PDIA3: variants seen among roughly 807,000 people sequenced by gnomAD.
PDIA3 encodes protein disulfide-isomerase A3.
Under a neutral mutation model 56.9 loss-of-function variants are expected in PDIA3, and 16 were observed. That is an observed-to-expected ratio of 0.28 (90% CI 0.19 to 0.43). The LOEUF (loss-of-function observed/expected upper bound fraction) is 0.43. PDIA3 is among the 20% of genes least tolerant of loss of function. The probability of loss-of-function intolerance (pLI) is 1.00; values close to 1 mark genes in which losing one functional copy is unlikely to be tolerated. For synonymous variants in PDIA3, 192 were observed against 216.5 expected (o/e 0.89, Z 0.99); for missense variants, 485 against 621.3 (o/e 0.78, Z 2.33).
At chr15:43,761,084 CA>C (rs1355850522) in intron 3 of PDIA3, among the ~76,000 whole-genome samples, 1 of 150,312 alleles carries the variant, frequency 6.7e-6, no homozygotes. Context: ...TAAAAAAATA[CA>C]AAAAAAAGTA....
At chr15:43,762,076 C>T (rs2086819880) in intron 4 of PDIA3, among the ~76,000 whole-genome samples, 1 of 152,162 alleles carries the variant, frequency 6.6e-6, no homozygotes, top group South Asian at 2.1e-4. Flanking sequence ...TTTTAAATGA[C>T]ATGAGCCAGT....
At chr15:43,756,307 GC>G (rs1451095392) in intron 2 of PDIA3, among the ~76,000 whole-genome samples, 1 of 152,196 alleles carries the variant, frequency 6.6e-6, no homozygotes, top group Non-Finnish European at 1.5e-5. Flanking sequence ...ATCAAAGTAA[GC>G]CACTGTTAAT....
intron 1 of PDIA3, among the ~76,000 whole-genome samples, chr15:43,750,448 G>A (rs1368051763): frequency 1.3e-5 from 2 of 151,964 alleles, no homozygotes; most frequent in African/African-American, 2.4e-5. Flanking sequence ...GTTTGGAAAT[G>A]TCCGAAAATT....
At chr15:43,766,425 T>A (rs1406402419) in intron 7 of PDIA3, among the ~76,000 whole-genome samples, 1 of 152,240 alleles carries the variant, frequency 6.6e-6, no homozygotes, top group Non-Finnish European at 1.5e-5. Flanking sequence ...CATTTTACCC[T>A]TACAAATTTT....
intron 9 of PDIA3, 96 bp downstream of exon 9, chr15:43,768,693 A>G (rs1383436072): frequency 7.5e-6 from 6 of 794,710 alleles, no homozygotes; most frequent in East Asian, 2.5e-5. Flanking sequence ...TTCGTTGGCC[A>G]TCTCTTTTTT....
chr15:43,753,548 T>G (rs1354665629), intron 1 of PDIA3, among the ~76,000 whole-genome samples: 1 of 152,226 alleles, frequency 6.6e-6, no homozygotes, highest in African/African-American at 2.4e-5. Context: ...GACTACAGCT[T>G]TCACAACTTA....
intron 4 of PDIA3, among the ~76,000 whole-genome samples, chr15:43,761,879 T>TA (rs1281641274): frequency 6.6e-6 from 1 of 152,128 alleles, no homozygotes; most frequent in Non-Finnish European, 1.5e-5. Context: ...TAATGCTTCT[T>TA]AAACTCTGAG....
chr15:43,768,395 G>T, intron 8 of PDIA3, 94 bp from the exon 9 acceptor site: 1 of 902,056 alleles, frequency 1.1e-6, no homozygotes, highest in East Asian at 2.5e-5. Context: ...GCCTTGAAAA[G>T]CTAAAATACA....
chr15:43,759,375 C>T (rs759937869), intron 3 of PDIA3, among the ~76,000 whole-genome samples: 3 of 152,118 alleles, frequency 2.0e-5, no homozygotes, highest in African/African-American at 7.2e-5. Context: ...TTAGTTCTCA[C>T]TTAATGTTGT....
chr15:43,753,312 G>C (rs562193576), intron 1 of PDIA3, among the ~76,000 whole-genome samples: 14 of 152,062 alleles, frequency 9.2e-5, no homozygotes, highest in Non-Finnish European at 1.9e-4. Flanking sequence ...TCCTGACCTC[G>C]AGTGATCTAC....
At chr15:43,750,349 A>G (rs537799250) in intron 1 of PDIA3, among the ~76,000 whole-genome samples, 1 of 151,312 alleles carries the variant, frequency 6.6e-6, no homozygotes, top group East Asian at 2.0e-4. Flanking sequence ...GATTTTGTAG[A>G]CTAATATTTC....
chr15:43,772,862 A>G lies in PDIA3; in HGVS notation c.*1644A>G. On this transcript the variant is annotated 3_prime_UTR_variant, in exon 13 of 13. Transcript: ENST00000300289. ...GACTTGAAAATGACTTGGCTGAACT[A>G]AAGGTAAAAAAGCCAAGCCTCTGTC... 3.0e-6 allele frequency: 1 copy of G among 337,068 alleles called. No individual in the cohort carries two copies. Among genetic ancestry groups the G allele is most frequent in the Non-Finnish European group, 5.3e-6 (1 of 187,970 alleles). 20.9% of individuals were successfully genotyped at this position (337,068 alleles called of 1,614,324 possible).
intron 1 of PDIA3, among the ~76,000 whole-genome samples, chr15:43,752,363 T>A (rs991532562): frequency 6.6e-6 from 1 of 152,208 alleles, no homozygotes; most frequent in Non-Finnish European, 1.5e-5. Flanking sequence ...ACACATAAGA[T>A]ACCACTGATT....
intron 1 of PDIA3, among the ~76,000 whole-genome samples, chr15:43,748,527 A>G (rs534661947): frequency 2.0e-5 from 3 of 151,896 alleles, no homozygotes; most frequent in Non-Finnish European, 4.4e-5. Context: ...GGTGTTTCCT[A>G]CTTTAAATTG....
Position 43,756,668 on chromosome 15 carries a change from C to T in PDIA3, c.266C>T (p.Thr89Ile), listed in dbSNP as rs751599830. The T allele has an allele frequency of 4.0e-5, 64 of 1,602,256 alleles. No individual in the cohort carries two copies. Among genetic ancestry groups the T allele is most frequent in the Non-Finnish European group, 5.1e-5 (60 of 1,171,074 alleles). ...PLAKVDCTAN[T>I]NTCNKYGVSG... is the part of the protein sequence containing the mutation. The stretch of plus-strand genomic sequence containing the variant: ...CTTTAGGTTGATTGCACTGCCAACA[C>T]TAACACCTGTAATAAATATGGAGTC... The change falls in exon 3 of 13, where the codon ACT (threonine) becomes ATT (isoleucine). Residue 89 changes from threonine to isoleucine, a missense_variant. Coordinates refer to ENST00000300289, the MANE Select transcript of PDIA3 (RefSeq NM_005313.5).
intron 1 of PDIA3, among the ~76,000 whole-genome samples, chr15:43,753,100 CAG>C (rs2086755233): frequency 2.0e-5 from 3 of 149,896 alleles, no homozygotes; most frequent in African/African-American, 4.9e-5. Flanking sequence ...CACCCCGAGA[CAG>C]AGTCTTATTC....
In PDIA3 at chr15:43,773,126, CT is replaced by C. The variant is rs1443928739; in HGVS notation, c.*1909del. 1.2e-6 allele frequency: 2 copies of C among 1,607,706 alleles called. No individual in the cohort carries two copies. Among genetic ancestry groups the C allele is most frequent in the Non-Finnish European group, 1.7e-6 (2 of 1,178,146 alleles). On this transcript the variant is annotated 3_prime_UTR_variant, in exon 13 of 13. Transcript: ENST00000300289. ...ATTCCCTTGATAACTTCAGCTGCCCCTGTTCTTTTCCTCAAACTCCAGGATG... is the reference window on the plus strand; with the variant it reads ...ATTCCCTTGATAACTTCAGCTGCCCCGTTCTTTTCCTCAAACTCCAGGATG...
chr15:43,758,547 A>G (rs898500992), intron 3 of PDIA3, among the ~76,000 whole-genome samples: 7 of 151,518 alleles, frequency 4.6e-5, no homozygotes, highest in Non-Finnish European at 8.8e-5. Context: ...AATCCCAGCT[A>G]CCTGGGAGGC....
Position 43,770,541 on chromosome 15 carries a change from C to A in PDIA3, c.1365C>A (p.Phe455Leu). 1 of 1,612,166 alleles carries A rather than the reference C, an allele frequency of 6.2e-7. No individual in the cohort carries two copies. The highest frequency in any genetic ancestry group is 8.5e-7 in the Non-Finnish European group (1 of 1,178,190). Residue 455 changes from phenylalanine to leucine, a missense_variant, in exon 12 of 13, where the codon TTC becomes TTA. By Grantham distance (22) the Phe-to-Leu change is conservative (BLOSUM62 0). Coordinates refer to ENST00000300289, the MANE Select transcript of PDIA3 (RefSeq NM_005313.5). ...TCCCCAGTTTTCCTACCATATACTT[C>A]TCTCCAGCCAACAAGAAGCTAAATC... ...YEVRGFPTIY[F>L]SPANKKLNPK...
Sources: gnomAD v4.1 joint callset for allele counts (sites outside exome capture counted in the v4.1 genomes callset) on GRCh38, gnomAD v4.1.1 for gene constraint, MANE v1.5 for transcripts, NCBI Gene and HGNC (gene_info 2026-07-23, HGNC 2026-07-21) for gene names.